The following CUL2 variants were observed in gnomAD, a reference collection of about 807,000 sequenced individuals.
The protein encoded by CUL2 is cullin-2.
CUL2 carries 22 observed loss-of-function variants against 110.2 expected under a neutral mutation model. That is an observed-to-expected ratio of 0.20 (90% CI 0.14 to 0.28). The LOEUF (loss-of-function observed/expected upper bound fraction) is 0.28, where lower values mean the gene tolerates loss of function less well. CUL2 is among the 10% of genes least tolerant of loss of function. CUL2 has a pLI of 1.00. For synonymous variants in CUL2, 279 were observed against 293.2 expected, an observed-to-expected ratio of 0.95 and a Z score of 0.49; for missense variants, 631 against 905.5, an observed-to-expected ratio of 0.70 and a Z score of 3.89.
At chr10:35,018,658 G>T (rs1207976538) in intron 17 of CUL2, among the ~76,000 whole-genome samples, 6 of 150,944 alleles carry the variant, frequency 4.0e-5, no homozygotes, top group African/African-American at 1.5e-4. Context: ...ATCTACTCCG[G>T]AGGCTGAGGC....
chr10:35,109,903 G>A (rs1026500171), intron 1 of CUL2, among the ~76,000 whole-genome samples: 2 of 152,174 alleles, frequency 1.3e-5, no homozygotes, highest in African/African-American at 4.8e-5. Flanking sequence ...GCCAGGCATG[G>A]TGGCTCACAC....
At chr10:35,035,385 C>T (rs1448491929) in intron 9 of CUL2, 89 bp from the exon 10 acceptor site, 47 of 1,425,682 alleles carry the variant, frequency 3.3e-5, no homozygotes, top group Middle Eastern at 1.8e-4. Context: ...GTACAATATA[C>T]GGATCCAAGT....
intron 17 of CUL2, among the ~76,000 whole-genome samples, chr10:35,020,539 T>C (rs2085156276): frequency 1.3e-5 from 2 of 152,246 alleles, no homozygotes; most frequent in Non-Finnish European, 2.9e-5. Context: ...ACACATACTA[T>C]GATGTAGGGT....
intron 1 of CUL2, among the ~76,000 whole-genome samples, chr10:35,111,614 G>A (rs978198061): frequency 2.6e-5 from 4 of 152,320 alleles, no homozygotes; most frequent in East Asian, 1.9e-4. Context: ...CAGGCCAGGC[G>A]TGGTGGCTCA....
intron 4 of CUL2, among the ~76,000 whole-genome samples, chr10:35,055,223 C>G (rs1242666509): frequency 6.6e-6 from 1 of 152,180 alleles, no homozygotes; most frequent in Non-Finnish European, 1.5e-5. Context: ...TGCCTTTAAA[C>G]AGTCACCACC....
intron 17 of CUL2, 88 bp from the exon 18 acceptor site, chr10:35,016,482 A>G: frequency 1.0e-6 from 1 of 998,540 alleles, no homozygotes; most frequent in Non-Finnish European, 1.5e-6. Context: ...CTTCGGAAAG[A>G]GTGAACCAAT....
chr10:35,020,680 C>G (rs934758940), intron 17 of CUL2, among the ~76,000 whole-genome samples: 3 of 152,186 alleles, frequency 2.0e-5, no homozygotes, highest in African/African-American at 7.2e-5. Context: ...TGCTCTGCCA[C>G]AAATAAAACT....
Position 35,097,491 on chromosome 10 carries a change from C to CAA in CUL2, c.167+3351_167+3352dup, listed in dbSNP as rs71523359. ...GGCAACAGAGCAAGACCCCCTGTCT[C>CAA]AAAAAAAAAAAAAAAAAAAGAACTT... is the stretch of plus-strand genomic sequence containing the variant. On this transcript the variant is annotated intron_variant, in intron 2 of 5. Transcript: ENST00000685421. Among the ~76,000 whole-genome samples the CAA allele has an allele frequency of 3.2e-3, 300 of 92,606 alleles. 2 individuals are homozygous for CAA. The highest frequency in any genetic ancestry group is 5.0e-3 in the Admixed American group (41 of 8,176). 60.8% of individuals were successfully genotyped at this position (92,606 alleles called of 152,430 possible).
intron 2 of CUL2, among the ~76,000 whole-genome samples, chr10:35,095,962 T>G (rs1467056487): frequency 1.3e-5 from 2 of 152,134 alleles, no homozygotes; most frequent in Non-Finnish European, 2.9e-5. Flanking sequence ...AAGGAGCTAT[T>G]TTGAGGCTGG....
intron 2 of CUL2, 32 bp from the exon 3 acceptor site, chr10:35,063,094 T>C: frequency 8.4e-7 from 1 of 1,195,758 alleles, no homozygotes; most frequent in Middle Eastern, 2.0e-4. Context: ...TCATATTTAT[T>C]GGAGACAATT....
chr10:35,033,341 ATTAGAC>A, intron 10 of CUL2, 68 bp from the exon 11 acceptor site: 1 of 993,986 alleles, frequency 1.0e-6, no homozygotes, highest in South Asian at 1.4e-5. Flanking sequence ...TATGAGGTTT[ATTAGAC>A]TTATTAGTAA....
chr10:35,051,721 C>G (rs936721958), intron 5 of CUL2, among the ~76,000 whole-genome samples: 1 of 152,130 alleles, frequency 6.6e-6, no homozygotes, highest in African/African-American at 2.4e-5. Flanking sequence ...TGGGTTCTTC[C>G]CTGTGAAACG....
chr10:35,069,963 CA>C (rs1262811131), intron 2 of CUL2, among the ~76,000 whole-genome samples: 1 of 152,160 alleles, frequency 6.6e-6, no homozygotes, highest in Non-Finnish European at 1.5e-5. Context: ...CTATCTAATT[CA>C]AAGGCAGAAT....
chr10:35,110,640 G>A (rs1225125392), intron 1 of CUL2, among the ~76,000 whole-genome samples: 1 of 152,140 alleles, frequency 6.6e-6, no homozygotes, highest in Non-Finnish European at 1.5e-5. Context: ...CAAGATGCTG[G>A]TAGGGTTGGT....
chr10:35,061,461 CAAA>C (rs11347736), intron 3 of CUL2, among the ~76,000 whole-genome samples: 7 of 97,332 alleles, frequency 7.2e-5, no homozygotes, highest in Admixed American at 1.1e-4. Flanking sequence ...CTCTGTCTCC[CAAA>C]AAAAAAAAAA....
At chr10:35,100,755 C>CAAAAAA (rs563272303) in intron 2 of CUL2, 11 of 44,406 alleles carry the variant, frequency 2.5e-4, no homozygotes, top group Admixed American at 7.7e-4. Context: ...GAGTCCATCT[C>CAAAAAA]AAAAAAAAAA....
At position 35,063,077 on chromosome 10, in the gene CUL2, A is replaced by G; in HGVS notation, c.120-15T>C. 7.3e-7 allele frequency: 1 copy of G among 1,364,058 alleles called. No individual in the cohort carries two copies. The highest frequency in any genetic ancestry group is 2.3e-5 in the East Asian group (1 of 43,670). The allele number at this position is 1,364,058 out of a possible 1,614,324, so 84.5% of individuals were successfully genotyped here. A position where few individuals can be genotyped will look rare whatever the true frequency, so the allele number is the denominator to read the frequency against. On this transcript the variant is annotated splice_polypyrimidine_tract_variant and intron_variant, in intron 2 of 20. Transcript: ENST00000374749. ...CATAGATATCTCTAGTTAAATTATT[A>G]AGGTTTTCATATTTATTGGAGACAA...
intron 6 of CUL2, 60 bp from the exon 7 acceptor site, chr10:35,044,928 C>A: frequency 1.9e-6 from 2 of 1,048,978 alleles, no homozygotes; most frequent in South Asian, 1.4e-5. Flanking sequence ...GGAAATATAC[C>A]CAAAATATGC....
intron 2 of CUL2, chr10:35,099,426 T>C (rs982889763): frequency 3.4e-5 from 5 of 149,138 alleles, no homozygotes; most frequent in African/African-American, 1.2e-4. Context: ...TTGTACCAAG[T>C]GGTTCCTGAA....
Sources: allele counts gnomAD v4.1 joint callset (sites outside exome capture counted in the v4.1 genomes callset), GRCh38; gene constraint gnomAD v4.1.1; transcripts MANE v1.5; gene names NCBI Gene and HGNC (gene_info 2026-07-23, HGNC 2026-07-21).